Variants in ZFYVE9 observed in about 807,000 individuals in gnomAD.
ZFYVE9 encodes zinc finger FYVE-type containing 9, also known as zinc finger FYVE domain-containing protein 9.
ZFYVE9 carries 43 observed loss-of-function variants against 126.7 expected under a neutral mutation model. The observed-to-expected ratio is 0.34, with a 90% CI of 0.27 to 0.44. The LOEUF is 0.44. Among genes scored for constraint, ZFYVE9 ranks in the 20% least tolerant of loss-of-function variants. The pLI is 1.00. For missense variants in ZFYVE9, 1,476 were observed against 1,697.0 expected, an observed-to-expected ratio of 0.87 and a Z score of 2.29; for synonymous variants, 521 against 597.4, an observed-to-expected ratio of 0.87 and a Z score of 1.87.
At chr1:52,331,174 C>T (rs766830641) in intron 13 of ZFYVE9, among the ~76,000 whole-genome samples, 3 of 151,900 alleles carry the variant, frequency 2.0e-5, no homozygotes, top group African/African-American at 2.4e-5. Context: ...TGGCCTGCAA[C>T]ACTACAGCTT....
chr1:52,211,856 C>G (rs969630977), intron 1 of ZFYVE9, among the ~76,000 whole-genome samples: 1 of 152,186 alleles, frequency 6.6e-6, no homozygotes, highest in Non-Finnish European at 1.5e-5. Flanking sequence ...TTCACCCTCA[C>G]AAATAATTCT....
chr1:52,296,435 A>G (rs1645976072), intron 12 of ZFYVE9, among the ~76,000 whole-genome samples: 2 of 152,098 alleles, frequency 1.3e-5, no homozygotes, highest in Non-Finnish European at 2.9e-5. Context: ...ACCCCAAGCC[A>G]GTAAGGCTAC....
At chr1:52,212,492 A>G (rs567921605) in intron 1 of ZFYVE9, among the ~76,000 whole-genome samples, 1 of 152,328 alleles carries the variant, frequency 6.6e-6, no homozygotes, top group South Asian at 2.1e-4. Flanking sequence ...TATGAAGGAT[A>G]TATTTTATAG....
At chr1:52,219,989 G>A (rs903648572) in intron 2 of ZFYVE9, among the ~76,000 whole-genome samples, 15 of 151,954 alleles carry the variant, frequency 9.9e-5, no homozygotes, top group Non-Finnish European at 2.1e-4. Context: ...TATTGGCCAG[G>A]CTGGTCTCGA....
At chr1:52,291,745 G>A (rs1645922357) in intron 10 of ZFYVE9, among the ~76,000 whole-genome samples, 1 of 151,888 alleles carries the variant, frequency 6.6e-6, no homozygotes, top group African/African-American at 2.4e-5. Context: ...AGGCGTGGTG[G>A]TGGGTGCCTA....
At chr1:52,332,549 G>A (rs907844778) in intron 13 of ZFYVE9, among the ~76,000 whole-genome samples, 2 of 152,106 alleles carry the variant, frequency 1.3e-5, no homozygotes, top group African/African-American at 4.8e-5. Context: ...TGCTTATTAG[G>A]TCATAGTACA....
chr1:52,161,604 A>G (rs1376080993), intron 1 of ZFYVE9, among the ~76,000 whole-genome samples: 1 of 152,186 alleles, frequency 6.6e-6, no homozygotes, highest in Non-Finnish European at 1.5e-5. Flanking sequence ...GTTTTAAGAG[A>G]TGTATTTTAA....
intron 1 of ZFYVE9, among the ~76,000 whole-genome samples, chr1:52,208,611 G>A (rs952665180): frequency 2.0e-5 from 3 of 151,286 alleles, no homozygotes; most frequent in Non-Finnish European, 2.9e-5. Context: ...TTGGCCCACC[G>A]CAACCTCTGC....
intron 12 of ZFYVE9, among the ~76,000 whole-genome samples, chr1:52,300,115 T>C (rs1646019209): frequency 1.3e-5 from 2 of 152,166 alleles, no homozygotes; most frequent in African/African-American, 4.8e-5. Context: ...GGGCATCTGG[T>C]GCTCCACAGG....
At chr1:52,161,711 T>G (rs1644461562) in intron 1 of ZFYVE9, among the ~76,000 whole-genome samples, 1 of 152,208 alleles carries the variant, frequency 6.6e-6, no homozygotes, top group Non-Finnish European at 1.5e-5. Context: ...AATGTCCAAG[T>G]ATTTTCTTTT....
At chr1:52,170,845 C>T (rs11205937) in intron 1 of ZFYVE9, among the ~76,000 whole-genome samples, 22 of 152,092 alleles carry the variant, frequency 1.4e-4, no homozygotes, top group African/African-American at 5.1e-4. Flanking sequence ...TGCTTTTGAA[C>T]GTTTTAAGGC....
intron 10 of ZFYVE9, among the ~76,000 whole-genome samples, chr1:52,284,750 GTCAGT>G (rs1645841967): frequency 6.6e-6 from 1 of 152,060 alleles, no homozygotes; most frequent in African/African-American, 2.4e-5. Flanking sequence ...ATACTTATAT[GTCAGT>G]TCAGTCCATT....
intron 4 of ZFYVE9, among the ~76,000 whole-genome samples, chr1:52,239,944 C>G (rs1645317080): frequency 6.6e-6 from 1 of 152,020 alleles, no homozygotes; most frequent in African/African-American, 2.4e-5. Context: ...TTGTCATTAA[C>G]TTATTGCATT....
At chr1:52,265,764 A>G (rs1645627653) in intron 5 of ZFYVE9, among the ~76,000 whole-genome samples, 1 of 152,178 alleles carries the variant, frequency 6.6e-6, no homozygotes, top group Non-Finnish European at 1.5e-5. Flanking sequence ...AAAAAGATTG[A>G]GATGTGTCCT....
intron 1 of ZFYVE9, among the ~76,000 whole-genome samples, chr1:52,181,416 G>C (rs1231243848): frequency 6.6e-6 from 1 of 152,222 alleles, no homozygotes; most frequent in Non-Finnish European, 1.5e-5. Context: ...GTGCAGTGGC[G>C]TGATCTCGGC....
At chr1:52,298,630 T>G (rs1646000520) in intron 12 of ZFYVE9, among the ~76,000 whole-genome samples, 1 of 152,150 alleles carries the variant, frequency 6.6e-6, no homozygotes, top group African/African-American at 2.4e-5. Flanking sequence ...TTTGAGGCCT[T>G]TTGTGGTTTT....
intron 2 of ZFYVE9, among the ~76,000 whole-genome samples, chr1:52,227,262 T>TGG (rs1645179038): frequency 6.6e-6 from 1 of 152,254 alleles, no homozygotes; most frequent in Non-Finnish European, 1.5e-5. Flanking sequence ...GAGTCTGCAG[T>TGG]TGGCAAGCTA....
intron 3 of ZFYVE9, among the ~76,000 whole-genome samples, chr1:52,236,776 C>T (rs1056797620): frequency 3.9e-5 from 6 of 152,094 alleles, no homozygotes; most frequent in South Asian, 2.1e-4. Context: ...CAGAATTTCA[C>T]GTACTGTGGC....
intron 1 of ZFYVE9, among the ~76,000 whole-genome samples, chr1:52,146,718 A>G (rs1644309442): frequency 6.6e-6 from 1 of 152,204 alleles, no homozygotes. Flanking sequence ...TTATTTATGT[A>G]GTTTACTATT....
Sources: gnomAD v4.1 joint callset for allele counts (sites outside exome capture counted in the v4.1 genomes callset) on GRCh38, gnomAD v4.1.1 for gene constraint, MANE v1.5 for transcripts, NCBI Gene and HGNC (gene_info 2026-07-23, HGNC 2026-07-21) for gene names.